CEP85L: variants seen among roughly 807,000 people sequenced by gnomAD.
CEP85L encodes the protein centrosomal protein of 85 kDa-like.
Under a neutral mutation model 100.3 loss-of-function variants are expected in CEP85L, and 60 were observed. That is an observed-to-expected ratio of 0.60 (90% CI 0.49 to 0.74). CEP85L has a LOEUF of 0.74. Among genes scored for constraint, CEP85L ranks in the 30% least tolerant of loss-of-function variants. CEP85L has a pLI of 0.00. For synonymous variants in CEP85L, 319 were observed against 322.7 expected (o/e 0.99, Z 0.12); for missense variants, 973 against 936.2 (o/e 1.04, Z -0.51).
chr6:118,559,979 T>C (rs1334939754), intron 3 of CEP85L: 1 of 167,084 alleles, frequency 6.0e-6, no homozygotes, highest in African/African-American at 2.4e-5. Context: ...ACCTTAAGAC[T>C]TCAGAATGAT....
In CEP85L at chr6:118,628,229, C is replaced by T. The variant is rs75573217; in HGVS notation, c.232+4224G>A. On this transcript the variant is annotated intron_variant, in intron 2 of 12. Coordinates refer to ENST00000368491, the MANE Select transcript of CEP85L (RefSeq NM_001042475.3). ...CAAGCTTCAGGACTAGACTCAAACA[C>T]GGCAGGGATATTGGAATTACTAGAC... 2.0e-4 allele frequency among the ~76,000 whole-genome samples: 30 copies of T among 151,918 alleles called. No individual in the cohort carries two copies. The East Asian group carries it at 5.0e-3, about 25-fold the overall frequency.
chr6:118,525,265 AAACT>A (rs1157827819), intron 3 of CEP85L, among the ~76,000 whole-genome samples: 2 of 152,228 alleles, frequency 1.3e-5, no homozygotes, highest in African/African-American at 4.8e-5. Flanking sequence ...CCAACGGTAG[AAACT>A]AACATGGCAG....
intron 2 of CEP85L, among the ~76,000 whole-genome samples, chr6:118,603,861 GACA>G (rs566308460): frequency 1.5e-3 from 230 of 152,314 alleles, no homozygotes; most frequent in Non-Finnish European, 2.6e-3. Context: ...ACTAAAACAA[GACA>G]ACAATTGTCT....
rs530286313 is a variant in CEP85L at position 118,492,672 on chromosome 6, A to G, written c.1258-807T>C. ...AAGCAAAGAAAGAGGTTATTTTTCCATTTATTTAAAAGATATTTACAAAGC... is the reference window on the plus strand; with the variant it reads ...AAGCAAAGAAAGAGGTTATTTTTCCGTTTATTTAAAAGATATTTACAAAGC... On this transcript the variant is annotated intron_variant, in intron 5 of 12. Coordinates refer to ENST00000368491, the MANE Select transcript of CEP85L (RefSeq NM_001042475.3). Among the ~76,000 whole-genome samples the G allele has an allele frequency of 3.3e-5, 5 of 152,284 alleles. No individual in the cohort carries two copies. In the East Asian group the frequency reaches 9.6e-4, roughly 29 times the overall value.
At chr6:118,471,251 C>T (rs866150202) in intron 10 of CEP85L, among the ~76,000 whole-genome samples, 3 of 151,944 alleles carry the variant, frequency 2.0e-5, no homozygotes, top group South Asian at 2.1e-4. Context: ...ATTGTGAGTA[C>T]GCCAAAGCAG....
chr6:118,527,002 CTTTTTTTTTTTTT>C (rs764883723), intron 3 of CEP85L, among the ~76,000 whole-genome samples: 2 of 98,732 alleles, frequency 2.0e-5, no homozygotes, highest in South Asian at 4.2e-4. Context: ...TTTACTTTTT[CTTTTTTTTTTTTT>C]TTTTTTTTTT....
At position 118,594,657 on chromosome 6, in the gene CEP85L, A is replaced by G. The variant is rs2115138942; in HGVS notation, c.233-28341T>C. On this transcript the variant is annotated intron_variant, in intron 2 of 12. Transcript: ENST00000368491. ...GCCGAGGCTGGTGGATCACGAGGTC[A>G]GGAGATCGAGACCATGGTGAAACCC... Among the ~76,000 whole-genome samples, 2 of 152,166 alleles carry G rather than the reference A, an allele frequency of 1.3e-5. 1 individual carries two copies. Among genetic ancestry groups the G allele is most frequent in the South Asian group, 4.2e-4 (2 of 4,818 alleles).
chr6:118,648,737 C>A (rs1355410433), intron 1 of CEP85L, among the ~76,000 whole-genome samples: 1 of 128,038 alleles, frequency 7.8e-6, no homozygotes, highest in African/African-American at 3.1e-5. Flanking sequence ...GAAAGACTGT[C>A]TCAAAAAAAA....
At chr6:118,617,894 C>T (rs1472013888) in intron 2 of CEP85L, among the ~76,000 whole-genome samples, 1 of 152,178 alleles carries the variant, frequency 6.6e-6, no homozygotes, top group Admixed American at 6.5e-5. Flanking sequence ...CTGTCCCATC[C>T]TTCCTTAGAA....
Position 118,464,257 on chromosome 6 carries a change from T to C in CEP85L, c.*1148A>G, listed in dbSNP as rs1772372106. The C allele has an allele frequency of 6.6e-6, 1 of 152,188 alleles. No homozygotes were observed. Among genetic ancestry groups the C allele is most frequent in the Non-Finnish European group, 1.5e-5 (1 of 67,998 alleles). 9.4% of individuals were successfully genotyped at this position (152,188 alleles called of 1,614,324 possible). A position where few individuals can be genotyped will look rare whatever the true frequency, so the allele number is the denominator to read the frequency against. ...AAATGACTGTACGTCTACTGCAAAA[T>C]CAACTGCATTTCATAGTAATACCCT... On this transcript the variant is annotated 3_prime_UTR_variant, in exon 13 of 13. Transcript: ENST00000368491.
At position 118,489,984 on chromosome 6, in the gene CEP85L, TACAC is replaced by T. The variant is rs377195681; in HGVS notation, c.1437+1698_1437+1701del. Among the ~76,000 whole-genome samples, 384 of 150,714 alleles carry T rather than the reference TACAC, an allele frequency of 2.5e-3. 2 individuals carry two copies. The highest frequency in any genetic ancestry group is 9.0e-3 in the African/African-American group (366 of 40,602). On this transcript the variant is annotated intron_variant, in intron 6 of 12. Coordinates refer to ENST00000368491, the MANE Select transcript of CEP85L (RefSeq NM_001042475.3). ...ACACACATACGTGTGTGTATATATA[TACAC>T]ACACACACGCACACACACACACAAA...
chr6:118,489,997 GCA>G (rs917764086), intron 6 of CEP85L, among the ~76,000 whole-genome samples: 2 of 149,378 alleles, frequency 1.3e-5, no homozygotes, highest in African/African-American at 2.5e-5. Context: ...ACACACACAC[GCA>G]CACACACACA....
chr6:118,585,911 G>A (rs1012171278), intron 2 of CEP85L, among the ~76,000 whole-genome samples: 1 of 152,172 alleles, frequency 6.6e-6, no homozygotes, highest in African/African-American at 2.4e-5. Flanking sequence ...TGCTGTATGG[G>A]TAGATACCTT....
chr6:118,567,249 G>GTATA (rs57181233), intron 2 of CEP85L, among the ~76,000 whole-genome samples: 31 of 43,768 alleles, frequency 7.1e-4, no homozygotes, highest in South Asian at 1.8e-3. Flanking sequence ...GTGTGTGTGT[G>GTATA]TATATATATA....
chr6:118,600,343 GTGTGTGTGTGTGTGTGTGTGTGTGTGT>G (rs1562297953), intron 2 of CEP85L, among the ~76,000 whole-genome samples: 2 of 135,278 alleles, frequency 1.5e-5, no homozygotes, highest in African/African-American at 5.5e-5. Flanking sequence ...GTGTGTGTGT[GTGTGTGTGTGTGTGTGTGTGTGTGTGT>G]AACGCCATGG....
chr6:118,527,422 T>C (rs1034015891), intron 3 of CEP85L, among the ~76,000 whole-genome samples: 2 of 152,154 alleles, frequency 1.3e-5, no homozygotes, highest in African/African-American at 2.4e-5. Flanking sequence ...GTTTTCCCTG[T>C]GGCACTATGG....
chr6:118,549,173 T>C (rs1293739678), intron 3 of CEP85L, among the ~76,000 whole-genome samples: 1 of 151,986 alleles, frequency 6.6e-6, no homozygotes, highest in Non-Finnish European at 1.5e-5. Flanking sequence ...TATTCTTAAC[T>C]ATCTTATTTT....
rs794729210 is a variant in CEP85L, at chr6:118,559,052, T to C, written c.1020+6477A>G. The C allele has an allele frequency of 3.1e-6, 5 of 1,611,704 alleles. No homozygotes were observed. Among genetic ancestry groups the C allele is most frequent in the Non-Finnish European group, 4.2e-6 (5 of 1,177,724 alleles). ...TGTCTCATCTTAATATGTCTCTTGC[T>C]GATCTGTATCATCGTGATGCTTCTC... On this transcript the variant is annotated intron_variant, in intron 3 of 12. Coordinates refer to ENST00000368491, the MANE Select transcript of CEP85L (RefSeq NM_001042475.3).
chr6:118,469,300 G>T lies in CEP85L; in HGVS notation c.2026C>A (p.Gln676Lys). 6.2e-7 allele frequency: 1 copy of T among 1,610,998 alleles called. No individual in the cohort carries two copies. The highest frequency in any genetic ancestry group is 1.1e-5 in the South Asian group (1 of 91,016). ...GAGCATGTCTCATCTGTTTGTCTTT[G>T]GTTCTGCAAGGATAAAGAAAACAAA... The part of the protein sequence containing the change: ...QRLTKALLEN[Q>K]RQTDETCSLL... The change falls in exon 12 of 13, where the codon CAA (glutamine) becomes AAA (lysine). Residue 676 changes from glutamine (Q) to lysine (K), a missense_variant. Transcript: ENST00000368491.
Sources: gnomAD v4.1 joint callset for allele counts (sites outside exome capture counted in the v4.1 genomes callset) on GRCh38, gnomAD v4.1.1 for gene constraint, MANE v1.5 for transcripts, NCBI Gene and HGNC (gene_info 2026-07-23, HGNC 2026-07-21) for gene names.